The following PTPRD variants were observed in gnomAD, a reference collection of about 807,000 sequenced individuals.
The protein encoded by PTPRD is receptor-type tyrosine-protein phosphatase delta.
A neutral mutation model predicts 214.5 loss-of-function variants in PTPRD; 34 were observed. The observed-to-expected ratio is 0.16, with a 90% CI of 0.12 to 0.21. The LOEUF (loss-of-function observed/expected upper bound fraction) is 0.21, where lower values mean the gene tolerates loss of function less well. Ranked by LOEUF, PTPRD falls within the 10% of genes least tolerant of loss-of-function variation. The pLI is 1.00. For missense variants in PTPRD, 2,545 were observed against 2,398.7 expected (o/e 1.06, Z -1.27); for synonymous variants, 1,128 against 845.7 (o/e 1.33, Z -5.79).
chr9:9,346,616 C>G (rs1368215289), intron 9 of PTPRD, among the ~76,000 whole-genome samples: 2 of 152,080 alleles, frequency 1.3e-5, no homozygotes, highest in Non-Finnish European at 2.9e-5. Context: ...ATAAAGCACT[C>G]TATAACTCTA....
At chr9:8,366,622 G>C (rs1217098269) in intron 39 of PTPRD, among the ~76,000 whole-genome samples, 1 of 152,188 alleles carries the variant, frequency 6.6e-6, no homozygotes, top group African/African-American at 2.4e-5. Context: ...GAACCTGCAA[G>C]CTTGAGGAGG....
chr9:10,572,159 C>A (rs1453863695), intron 2 of PTPRD, among the ~76,000 whole-genome samples: 4 of 152,104 alleles, frequency 2.6e-5, no homozygotes, highest in Admixed American at 2.6e-4. Context: ...ACTAAGAACT[C>A]ATGTACCTGC....
intron 8 of PTPRD, among the ~76,000 whole-genome samples, chr9:9,483,591 G>C (rs1307455322): frequency 6.6e-6 from 1 of 151,996 alleles, no homozygotes; most frequent in Non-Finnish European, 1.5e-5. Context: ...GAGATGGAGA[G>C]AAAAACATCA....
chr9:8,500,692 G>A (rs2136936265), intron 24 of PTPRD, 62 bp downstream of exon 24: 1 of 1,450,396 alleles, frequency 6.9e-7, no homozygotes, highest in East Asian at 2.6e-5. Flanking sequence ...TGAGCCTATT[G>A]AAAGACAGCA....
At chr9:9,318,819 C>G (rs1337096208) in intron 9 of PTPRD, among the ~76,000 whole-genome samples, 3 of 152,106 alleles carry the variant, frequency 2.0e-5, no homozygotes, top group Non-Finnish European at 4.4e-5. Context: ...TGGAGGTGAG[C>G]TCCTTGTTGA....
intron 7 of PTPRD, among the ~76,000 whole-genome samples, chr9:9,589,901 T>C (rs1299217577): frequency 6.6e-6 from 1 of 151,914 alleles, no homozygotes; most frequent in African/African-American, 2.4e-5. Context: ...GAGAAGATGC[T>C]GGGTCATTAT....
intron 5 of PTPRD, chr9:9,800,454 A>C (rs574942775): frequency 2.6e-5 from 4 of 152,360 alleles, no homozygotes; most frequent in Admixed American, 1.3e-4. Flanking sequence ...CCTGAATCAC[A>C]GGATCCCTGG....
At chr9:9,893,159 T>C (rs532623495) in intron 5 of PTPRD, among the ~76,000 whole-genome samples, 1 of 152,170 alleles carries the variant, frequency 6.6e-6, no homozygotes, top group African/African-American at 2.4e-5. Flanking sequence ...CTTGTTCTTT[T>C]TTATGGCTGC....
At chr9:10,426,792 A>G (rs2098623960) in intron 2 of PTPRD, among the ~76,000 whole-genome samples, 1 of 152,082 alleles carries the variant, frequency 6.6e-6, no homozygotes, top group Non-Finnish European at 1.5e-5. Flanking sequence ...ATTGGCCTGA[A>G]TAATACTGTA....
intron 3 of PTPRD, among the ~76,000 whole-genome samples, chr9:10,339,403 T>C (rs559032106): frequency 1.3e-5 from 2 of 151,882 alleles, no homozygotes; most frequent in African/African-American, 4.8e-5. Context: ...TTACTTTTCC[T>C]TCCCTTCATC....
chr9:8,692,958 G>A (rs2097840546), intron 12 of PTPRD, among the ~76,000 whole-genome samples: 1 of 152,136 alleles, frequency 6.6e-6, no homozygotes, highest in Non-Finnish European at 1.5e-5. Context: ...CAGGCTTAAC[G>A]CCAGTGTGAT....
rs1050704065 is a variant in PTPRD at position 8,317,047 on chromosome 9, A to AATT, written c.*824_*826dup. 3.0e-5 allele frequency: 7 copies of AATT among 231,620 alleles called. No homozygotes were observed. The highest frequency in any genetic ancestry group is 1.5e-4 in the African/African-American group (7 of 45,184). 14.3% of individuals were successfully genotyped at this position (231,620 alleles called of 1,614,324 possible). On this transcript the variant is annotated 3_prime_UTR_variant, in exon 46 of 46. Coordinates refer to ENST00000381196, the MANE Select transcript of PTPRD (RefSeq NM_002839.4). ...GATTCCAAAAACAAAACAAAATAATAATTATCTTTGATTATTTGAAGAGAA... is the reference window on the plus strand; with the variant it reads ...GATTCCAAAAACAAAACAAAATAATAATTATTATCTTTGATTATTTGAAGAGAA...
intron 11 of PTPRD, among the ~76,000 whole-genome samples, chr9:8,757,147 A>G (rs1393197981): frequency 6.6e-6 from 1 of 151,806 alleles, no homozygotes; most frequent in African/African-American, 2.4e-5. Flanking sequence ...ATCTCAAAAT[A>G]ATAATAATCT....
At chr9:8,953,354 T>C (rs2099113716) in intron 11 of PTPRD, among the ~76,000 whole-genome samples, 1 of 151,880 alleles carries the variant, frequency 6.6e-6, no homozygotes, top group South Asian at 2.1e-4. Flanking sequence ...GAGCAAAAAT[T>C]AACTAAGGAT....
At chr9:9,579,451 G>A (rs1366645557) in intron 7 of PTPRD, among the ~76,000 whole-genome samples, 3 of 152,086 alleles carry the variant, frequency 2.0e-5, no homozygotes, top group African/African-American at 7.2e-5. Context: ...TTTAAGATCT[G>A]GGGTACACAT....
At chr9:8,806,445 A>C (rs1378121302) in intron 11 of PTPRD, among the ~76,000 whole-genome samples, 3 of 152,192 alleles carry the variant, frequency 2.0e-5, no homozygotes, top group Non-Finnish European at 4.4e-5. Context: ...ATTCAAACCT[A>C]TCTCTTATCA....
At chr9:8,907,216 G>C (rs2098714025) in intron 11 of PTPRD, among the ~76,000 whole-genome samples, 2 of 151,832 alleles carry the variant, frequency 1.3e-5, no homozygotes, top group African/African-American at 2.4e-5. Flanking sequence ...ATCCAATCCA[G>C]AGCTGCCACA....
At chr9:9,945,318 T>C (rs1368666172) in intron 4 of PTPRD, among the ~76,000 whole-genome samples, 1 of 152,056 alleles carries the variant, frequency 6.6e-6, no homozygotes, top group East Asian at 1.9e-4. Context: ...ATATAGGTGG[T>C]ATTATAAACA....
chr9:8,690,368 A>G (rs2097777705), intron 12 of PTPRD, among the ~76,000 whole-genome samples: 2 of 151,636 alleles, frequency 1.3e-5, no homozygotes, highest in Admixed American at 1.3e-4. Flanking sequence ...TCTACTAAAA[A>G]TATAAAAAAT....
Sources: gnomAD v4.1 joint callset for allele counts (sites outside exome capture counted in the v4.1 genomes callset) on GRCh38, gnomAD v4.1.1 for gene constraint, MANE v1.5 for transcripts, NCBI Gene and HGNC (gene_info 2026-07-23, HGNC 2026-07-21) for gene names.